Variants in VTI1A observed in about 807,000 individuals in gnomAD.
The protein encoded by VTI1A is vesicle transport through interaction with t-SNAREs 1A.
Under a neutral mutation model 34.9 loss-of-function variants are expected in VTI1A, and 22 were observed. The ratio of observed to expected loss-of-function variants is 0.63; its 90% CI spans 0.45 to 0.90. VTI1A has a LOEUF of 0.90. Among genes scored for constraint, VTI1A ranks in the 40% least tolerant of loss-of-function variants. VTI1A has a pLI of 0.00. For missense variants in VTI1A, 268 were observed against 275.6 expected, an observed-to-expected ratio of 0.97 and a Z score of 0.20; for synonymous variants, 87 against 97.3, an observed-to-expected ratio of 0.89 and a Z score of 0.62.
intron 5 of VTI1A, among the ~76,000 whole-genome samples, chr10:112,618,178 A>G (rs1355838210): frequency 1.3e-5 from 2 of 151,908 alleles, no homozygotes; most frequent in African/African-American, 2.4e-5. Context: ...ATAAAATACA[A>G]GACTGAACTC....
At chr10:112,553,280 T>TCCTGCCACTTAATAACTGTAAGA (rs1851429671) in intron 5 of VTI1A, among the ~76,000 whole-genome samples, 1 of 152,242 alleles carries the variant, frequency 6.6e-6, no homozygotes, top group Admixed American at 6.5e-5. Context: ...CAAATCTTGG[T>TCCTGCCACTTAATAACTGTAAGA]CCTGCCACTT....
At chr10:112,780,149 A>G (rs1182571818) in intron 7 of VTI1A, among the ~76,000 whole-genome samples, 1 of 150,314 alleles carries the variant, frequency 6.7e-6, no homozygotes. Context: ...TTAGCCCAAT[A>G]TGGTGGCATG....
chr10:112,842,098 T>C, the VTI1A span, among the ~76,000 whole-genome samples: 1 of 132,222 alleles, frequency 7.6e-6, no homozygotes, highest in Non-Finnish European at 1.6e-5. Context: ...AGTCTCACCC[T>C]GTCTCCCAGG....
At chr10:112,607,220 GA>G in intron 5 of VTI1A, among the ~76,000 whole-genome samples, 1 of 151,830 alleles carries the variant, frequency 6.6e-6, no homozygotes, top group African/African-American at 2.4e-5. Context: ...CCGGGAGGCA[GA>G]GGTTGCAGTG....
intron 1 of VTI1A, among the ~76,000 whole-genome samples, chr10:112,448,651 C>G (rs547312721): frequency 3.9e-5 from 6 of 152,122 alleles, no homozygotes; most frequent in Non-Finnish European, 8.8e-5. Flanking sequence ...AGACTTGTCC[C>G]TACCCTAGCT....
At chr10:112,656,318 T>G (rs1847226379) in intron 5 of VTI1A, among the ~76,000 whole-genome samples, 1 of 151,844 alleles carries the variant, frequency 6.6e-6, no homozygotes, top group African/African-American at 2.4e-5. Context: ...GATAAATGAA[T>G]AGAAGAAATA....
chr10:112,771,893 T>C (rs752616730), intron 7 of VTI1A, among the ~76,000 whole-genome samples: 1 of 152,244 alleles, frequency 6.6e-6, no homozygotes, highest in Non-Finnish European at 1.5e-5. Flanking sequence ...TATTCCTTTT[T>C]TACGGTCAAA....
intron 5 of VTI1A, among the ~76,000 whole-genome samples, chr10:112,578,772 C>T (rs185093011): frequency 9.9e-5 from 15 of 152,046 alleles, no homozygotes; most frequent in African/African-American, 3.6e-4. Flanking sequence ...TTTAAGATAC[C>T]CATTAGATGT....
chr10:112,728,282 G>A (rs188320107), intron 7 of VTI1A, among the ~76,000 whole-genome samples: 1 of 152,270 alleles, frequency 6.6e-6, no homozygotes, highest in East Asian at 1.9e-4. Flanking sequence ...GGTGAAATCA[G>A]TAGTAGAGGG....
At chr10:112,501,248 G>C (rs889407003) in intron 3 of VTI1A, among the ~76,000 whole-genome samples, 1 of 152,004 alleles carries the variant, frequency 6.6e-6, no homozygotes, top group Admixed American at 6.6e-5. Flanking sequence ...TTTGGTTTGA[G>C]TACAAGATGG....
In VTI1A at chr10:112,571,579, G is replaced by A. The variant is rs527253862; in HGVS notation, c.427+33249G>A. Among the ~76,000 whole-genome samples, 5 of 152,268 alleles carry A rather than the reference G, an allele frequency of 3.3e-5. 1 individual carries two copies. In the South Asian group the frequency reaches 1.0e-3, roughly 32 times the overall value. On this transcript the variant is annotated intron_variant, in intron 5 of 7. Coordinates refer to ENST00000393077, the MANE Select transcript of VTI1A (RefSeq NM_145206.4). The stretch of plus-strand genomic sequence containing the variant: ...TAGCCACTGTGGGGAGCAGTTTGGA[G>A]ATTTCTCAAAGAACTAAGAGTTGAA...
At chr10:112,844,875 G>A in the VTI1A span, among the ~76,000 whole-genome samples, 4 of 152,166 alleles carry the variant, frequency 2.6e-5, no homozygotes, top group Admixed American at 1.3e-4. Flanking sequence ...TGACTGGACA[G>A]TTTTTATTAT....
intron 3 of VTI1A, among the ~76,000 whole-genome samples, chr10:112,518,299 A>G (rs976388660): frequency 1.5e-4 from 23 of 152,050 alleles, no homozygotes; most frequent in African/African-American, 5.6e-4. Flanking sequence ...GGATATAAAT[A>G]ACTCCCACAA....
intron 7 of VTI1A, among the ~76,000 whole-genome samples, chr10:112,787,805 G>A (rs1590184760): frequency 1.4e-5 from 2 of 145,540 alleles, no homozygotes; most frequent in Non-Finnish European, 3.0e-5. Flanking sequence ...GTGTTCAAGC[G>A]ATTCTCTTGC....
At chr10:112,541,784 G>T (rs780737384) in intron 5 of VTI1A, among the ~76,000 whole-genome samples, 19 of 152,200 alleles carry the variant, frequency 1.2e-4, no homozygotes, top group Non-Finnish European at 1.6e-4. Flanking sequence ...AAAGGCACAT[G>T]ATTATTCCTA....
chr10:112,750,383 G>A (rs755785754), intron 7 of VTI1A, among the ~76,000 whole-genome samples: 18 of 151,730 alleles, frequency 1.2e-4, no homozygotes, highest in Admixed American at 9.2e-4. Context: ...TGGTTTTCTC[G>A]TTTGCTTGTT....
At chr10:112,658,882 G>C (rs1590037564) in intron 5 of VTI1A, among the ~76,000 whole-genome samples, 1 of 152,188 alleles carries the variant, frequency 6.6e-6, no homozygotes, top group African/African-American at 2.4e-5. Context: ...ATTGCCAACT[G>C]GTTCAAAAAT....
intron 1 of VTI1A, chr10:112,450,537 A>C (rs563681369): frequency 1.3e-5 from 2 of 152,218 alleles, no homozygotes; most frequent in Non-Finnish European, 2.9e-5. Context: ...CCAACATAGT[A>C]ACTTACTTAA....
chr10:112,712,444 T>C (rs1217225299), intron 7 of VTI1A, among the ~76,000 whole-genome samples: 2 of 150,394 alleles, frequency 1.3e-5, no homozygotes, highest in Admixed American at 6.7e-5. Flanking sequence ...GTCTAAATGA[T>C]ATAATACAGC....
Sources: allele counts gnomAD v4.1 joint callset (sites outside exome capture counted in the v4.1 genomes callset), GRCh38; gene constraint gnomAD v4.1.1; transcripts MANE v1.5; gene names NCBI Gene and HGNC (gene_info 2026-07-23, HGNC 2026-07-21).